C2CD5: variants seen among roughly 807,000 people sequenced by gnomAD.
C2CD5 encodes the protein C2 calcium dependent domain containing 5, also known as C2 domain-containing protein 5.
C2CD5 carries 109 observed loss-of-function variants against 130.3 expected under a neutral mutation model. The ratio of observed to expected loss-of-function variants is 0.84; its 90% CI spans 0.72 to 0.98. The LOEUF (loss-of-function observed/expected upper bound fraction) is 0.98. Ranked by LOEUF, C2CD5 falls within the 50% of genes least tolerant of loss-of-function variation. The probability of loss-of-function intolerance (pLI) is 0.00; values close to 1 mark genes in which losing one functional copy is unlikely to be tolerated. For missense variants in C2CD5, 996 were observed against 1,261.8 expected (o/e 0.79, Z 3.19); for synonymous variants, 454 against 429.2 (o/e 1.06, Z -0.71).
chr12:22,489,010 G>A (rs1002333712), intron 12 of C2CD5, among the ~76,000 whole-genome samples: 31 of 151,508 alleles, frequency 2.0e-4, no homozygotes, highest in Non-Finnish European at 3.2e-4. Flanking sequence ...TGAGTAGCTG[G>A]GATTAGAGGC....
At chr12:22,509,428 G>C (rs1948941011) in intron 9 of C2CD5, among the ~76,000 whole-genome samples, 1 of 152,052 alleles carries the variant, frequency 6.6e-6, no homozygotes, top group South Asian at 2.1e-4. Context: ...ACTAGAGCTG[G>C]TCAGAAAGAA....
At position 22,535,292 on chromosome 12, in the gene C2CD5, T is replaced by C; in HGVS notation, c.143A>G (p.Asn48Ser). The C allele has an allele frequency of 6.2e-7, 1 of 1,608,066 alleles. No homozygotes were observed. The highest frequency in any genetic ancestry group is 8.5e-7 in the Non-Finnish European group (1 of 1,175,004). ...FKTDVYLKSLNPQWNSEWFKF... is the reference protein window; with the variant it reads ...FKTDVYLKSLSPQWNSEWFKF... ...AAACCACTCCGAGTTCCACTGAGGG[T>C]TGAGTGACTTAAGGTACACATCTGT... The change falls in exon 3 of 27, where the codon AAC becomes AGC. Residue 48 changes from asparagine (N) to serine (S), a missense_variant. Around this residue, in one of 9 missense-constraint regions of C2CD5, gnomAD observed 68 missense variants for 154.5 expected, o/e 0.44. Transcript: ENST00000446597.
At chr12:22,454,871 A>G (rs916192549) in intron 25 of C2CD5, among the ~76,000 whole-genome samples, 38 of 152,312 alleles carry the variant, frequency 2.5e-4, no homozygotes, top group African/African-American at 8.7e-4. Flanking sequence ...GGTGCATATA[A>G]TAAGAATTCC....
chr12:22,542,119 C>G (rs950406639), intron 2 of C2CD5, among the ~76,000 whole-genome samples: 6 of 152,238 alleles, frequency 3.9e-5, no homozygotes, highest in African/African-American at 1.4e-4. Context: ...GATAATTTTA[C>G]CACCTTCTTA....
intron 2 of C2CD5, among the ~76,000 whole-genome samples, chr12:22,537,125 T>C (rs1951890943): frequency 6.6e-6 from 1 of 152,246 alleles, no homozygotes; most frequent in Admixed American, 6.5e-5. Flanking sequence ...TTTAGAGCAC[T>C]CTACAGTTTT....
At chr12:22,513,946 A>C (rs1044948293) in intron 8 of C2CD5, among the ~76,000 whole-genome samples, 1 of 152,158 alleles carries the variant, frequency 6.6e-6, no homozygotes, top group Non-Finnish European at 1.5e-5. Context: ...GTCAACGCTC[A>C]TTCACAAAAA....
rs557986039 is a variant in C2CD5, at chr12:22,494,657, A to T, written c.1148-1320T>A. Among the ~76,000 whole-genome samples the T allele has an allele frequency of 1.4e-4, 21 of 152,198 alleles. No homozygotes were observed. In the East Asian group the frequency reaches 4.0e-3, roughly 29 times the overall value. ...AAGCTACCTTAAAACTTTCTTTCAG[A>T]AGAAAGAAATGCAGAATTCAGGAAA... On this transcript the variant is annotated intron_variant, in intron 10 of 26. Transcript: ENST00000446597.
intron 17 of C2CD5, 169 bp from the exon 18 acceptor site, chr12:22,472,516 G>GT (rs926200821): frequency 1.2e-3 from 723 of 594,246 alleles, no homozygotes; most frequent in South Asian, 2.0e-3. Context: ...ATTATCACAG[G>GT]TTTTTTTTTC....
At chr12:22,486,073 T>TA (rs1359478785) in intron 12 of C2CD5, among the ~76,000 whole-genome samples, 6 of 152,044 alleles carry the variant, frequency 3.9e-5, no homozygotes, top group Non-Finnish European at 7.4e-5. Context: ...ATACACATCT[T>TA]ATATTCAAAT....
intron 15 of C2CD5, 134 bp downstream of exon 15, chr12:22,478,179 A>C (rs937690223): frequency 5.7e-6 from 4 of 700,002 alleles, no homozygotes; most frequent in Non-Finnish European, 1.0e-5. Flanking sequence ...CAAAGACATA[A>C]AGGGAGGTGA....
intron 22 of C2CD5, among the ~76,000 whole-genome samples, chr12:22,464,643 G>A (rs74725375): frequency 0.021 from 3,156 of 152,004 alleles, 116 homozygotes; most frequent in African/African-American, 0.069. Context: ...TCCCCTGAGC[G>A]TCTCTTTCCT....
intron 12 of C2CD5, among the ~76,000 whole-genome samples, chr12:22,485,883 C>G (rs915682690): frequency 6.6e-6 from 1 of 151,680 alleles, no homozygotes; most frequent in Non-Finnish European, 1.5e-5. Flanking sequence ...AAGGAATCTT[C>G]TCTTCCTTCT....
rs535865547 is a variant in C2CD5 at position 22,488,749 on chromosome 12, A to C, written c.1358+1374T>G. On this transcript the variant is annotated intron_variant, in intron 12 of 26. Coordinates refer to ENST00000446597, the MANE Select transcript of C2CD5 (RefSeq NM_001286176.2). ...TAAGGCTCTGGAATTCATAATAGTC[A>C]ATATCCATTTTAATACTGACAAAAG... is the stretch of plus-strand genomic sequence containing the variant. Among the ~76,000 whole-genome samples the C allele has an allele frequency of 3.9e-5, 6 of 152,264 alleles. 1 individual carries two copies. Among genetic ancestry groups the C allele is most frequent in the African/African-American group, 1.4e-4 (6 of 41,560 alleles).
chr12:22,486,554 C>A (rs1945549961), intron 12 of C2CD5, among the ~76,000 whole-genome samples: 1 of 152,150 alleles, frequency 6.6e-6, no homozygotes, highest in African/African-American at 2.4e-5. Context: ...TTTTCAACCA[C>A]AGGTATAACC....
At position 22,451,819 on chromosome 12, in the gene C2CD5, G is replaced by T. The variant is rs184945351; in HGVS notation, c.3025-1928C>A. Among the ~76,000 whole-genome samples, 34 of 152,238 alleles carry T rather than the reference G, an allele frequency of 2.2e-4. No homozygotes were observed. In the East Asian group the frequency reaches 6.6e-3, roughly 29 times the overall value. ...AGGTAGAAGACTTGAGAATGTGGAA[G>T]ACCTTGTATGACATATTAAGAAGCA... On this transcript the variant is annotated intron_variant, in intron 26 of 26. Transcript: ENST00000446597.
At chr12:22,478,252 C>T in intron 15 of C2CD5, 61 bp downstream of exon 15, 1 of 1,395,816 alleles carries the variant, frequency 7.2e-7, no homozygotes, top group Non-Finnish European at 1.0e-6. Flanking sequence ...AATAAGATAA[C>T]CTAAAAATAT....
chr12:22,503,790 G>A (rs1184767944), intron 10 of C2CD5, among the ~76,000 whole-genome samples: 1 of 152,116 alleles, frequency 6.6e-6, no homozygotes, highest in Non-Finnish European at 1.5e-5. Flanking sequence ...GGGATTACAG[G>A]TGTAAGCAAC....
chr12:22,490,018 C>T lies in C2CD5; in HGVS notation c.1358+105G>A, dbSNP rs148585267. The T allele has an allele frequency of 9.4e-4, 690 of 732,482 alleles. 5 individuals are homozygous for T. In the African/African-American group the frequency reaches 9.9e-3, roughly 10 times the overall value. 45.4% of individuals were successfully genotyped at this position (732,482 alleles called of 1,614,324 possible). ...CTTGGTCCTGATTTCTACACTGTAC[C>T]CCTGTAAGCCACCCTACGGAGAAGA... On this transcript the variant is annotated intron_variant, in intron 12 of 26. Coordinates refer to ENST00000446597, the MANE Select transcript of C2CD5 (RefSeq NM_001286176.2).
At chr12:22,541,815 C>T (rs1252983054) in intron 2 of C2CD5, among the ~76,000 whole-genome samples, 1 of 152,068 alleles carries the variant, frequency 6.6e-6, no homozygotes, top group Non-Finnish European at 1.5e-5. Context: ...ATTTATTTAC[C>T]TTTTAAACAT....
Sources: gnomAD v4.1 joint callset for allele counts (sites outside exome capture counted in the v4.1 genomes callset) on GRCh38, gnomAD v4.1.1 for gene constraint, gnomAD v4.1.1 regional missense constraint, MANE v1.5 for transcripts, NCBI Gene and HGNC (gene_info 2026-07-23, HGNC 2026-07-21) for gene names.